ANO4: variants seen among roughly 807,000 people sequenced by gnomAD.
ANO4 encodes the protein anoctamin 4.
Under a neutral mutation model 141.9 loss-of-function variants are expected in ANO4, and 69 were observed. The observed-to-expected ratio is 0.49, with a 90% CI of 0.40 to 0.59. ANO4 has a LOEUF of 0.59. Ranked by LOEUF, ANO4 falls within the 20% of genes least tolerant of loss-of-function variation. The probability of loss-of-function intolerance (pLI) is 0.00; values close to 1 mark genes in which losing one functional copy is unlikely to be tolerated. For missense variants in ANO4, 894 were observed against 1,162.2 expected (o/e 0.77, Z 3.36); for synonymous variants, 350 against 394.3 (o/e 0.89, Z 1.33).
chr12:100,806,811 G>A lies in ANO4; in HGVS notation c.-141+11784G>A, dbSNP rs546565164. On this transcript the variant is annotated intron_variant, in intron 1 of 27. Transcript: ENST00000392977. ...CCTGCCTTGGCCTCCCAAAGTGCTGGGATTACAGGTGTAAGCCACTGCGCT... is the reference window on the plus strand; with the variant it reads ...CCTGCCTTGGCCTCCCAAAGTGCTGAGATTACAGGTGTAAGCCACTGCGCT... Among the ~76,000 whole-genome samples, 422 of 151,698 alleles carry A rather than the reference G, an allele frequency of 2.8e-3. 4 individuals carry two copies. The highest frequency in any genetic ancestry group is 9.6e-3 in the African/African-American group (398 of 41,384).
At chr12:100,770,716 A>G (rs1421818706) in intron 3 of ANO4, among the ~76,000 whole-genome samples, 1 of 151,910 alleles carries the variant, frequency 6.6e-6, no homozygotes, top group Non-Finnish European at 1.5e-5. Flanking sequence ...GATGATGCAG[A>G]TATCAAAAGG....
chr12:100,795,569 G>T (rs915939086), intron 1 of ANO4, among the ~76,000 whole-genome samples: 17 of 152,316 alleles, frequency 1.1e-4, no homozygotes, highest in Non-Finnish European at 2.1e-4. Flanking sequence ...TACAACTTGG[G>T]CAGGAACATT....
At chr12:100,948,877 C>T (rs768579941) in intron 5 of ANO4, among the ~76,000 whole-genome samples, 1 of 152,154 alleles carries the variant, frequency 6.6e-6, no homozygotes, top group Admixed American at 6.5e-5. Context: ...GGATGTCACT[C>T]CTGTGATTAT....
intron 8 of ANO4, among the ~76,000 whole-genome samples, chr12:100,988,162 G>T (rs1480857982): frequency 6.6e-6 from 1 of 152,132 alleles, no homozygotes; most frequent in African/African-American, 2.4e-5. Flanking sequence ...ACATCACCTG[G>T]CAGCCCACTT....
At chr12:101,102,983 G>A (rs1217939472) in intron 22 of ANO4, among the ~76,000 whole-genome samples, 2 of 151,136 alleles carry the variant, frequency 1.3e-5, no homozygotes, top group Non-Finnish European at 3.0e-5. Flanking sequence ...TGCAAATGAT[G>A]TTTTTATTGT....
chr12:101,026,303 C>T (rs947763780), intron 9 of ANO4, among the ~76,000 whole-genome samples: 2 of 152,170 alleles, frequency 1.3e-5, no homozygotes, highest in Non-Finnish European at 2.9e-5. Flanking sequence ...ATATTAAATA[C>T]TTAAGGATAA....
intron 3 of ANO4, among the ~76,000 whole-genome samples, chr12:100,769,385 A>T (rs1483947524): frequency 2.0e-5 from 3 of 152,214 alleles, no homozygotes; most frequent in African/African-American, 7.2e-5. Flanking sequence ...CTTTGGTGTT[A>T]TGATCTAATA....
Position 100,794,777 on chromosome 12 carries a change from CT to C in ANO4, c.-388del. 1 of 152,358 alleles carries C rather than the reference CT, an allele frequency of 6.6e-6. No individual in the cohort carries two copies. Among genetic ancestry groups the C allele is most frequent in the Non-Finnish European group, 1.5e-5 (1 of 68,092 alleles). The allele number at this position is 152,358 out of a possible 1,614,324, so 9.4% of individuals were successfully genotyped here. ...GACGGTGGTGAAATCCACCAGGCTG[CT>C]TTCACTCCGGCTCGCTCTCCGGAGA... is the stretch of plus-strand genomic sequence containing the variant. On this transcript the variant is annotated 5_prime_UTR_variant, in exon 1 of 28. Transcript: ENST00000392977.
At chr12:101,009,246 C>G (rs1425456859) in intron 8 of ANO4, among the ~76,000 whole-genome samples, 1 of 152,048 alleles carries the variant, frequency 6.6e-6, no homozygotes, top group Non-Finnish European at 1.5e-5. Flanking sequence ...GACATACACA[C>G]AGAGAAGATC....
At chr12:101,000,346 A>G (rs1395149290) in intron 8 of ANO4, among the ~76,000 whole-genome samples, 1 of 152,238 alleles carries the variant, frequency 6.6e-6, no homozygotes, top group African/African-American at 2.4e-5. Flanking sequence ...ACATATGACT[A>G]CTTGCTTTTA....
chr12:101,037,219 G>A (rs1305012346), intron 10 of ANO4, 69 bp downstream of exon 10: 5 of 1,484,704 alleles, frequency 3.4e-6, no homozygotes, highest in Admixed American at 3.6e-5. Context: ...TCTAGAGATA[G>A]TCAATAATTG....
chr12:101,116,869 G>A lies in ANO4; in HGVS notation c.2570+71G>A, dbSNP rs575665576. On this transcript the variant is annotated intron_variant, in intron 25 of 27. Coordinates refer to ENST00000392977, the MANE Select transcript of ANO4 (RefSeq NM_001286615.2). ...CACCGTGGGGAGGTTTTACTCTGAA[G>A]GCCCCTTCTGGCTGAGTGTGTTTAA... 15 of 1,592,942 alleles carry A rather than the reference G, an allele frequency of 9.4e-6. No homozygotes were observed. In the East Asian group the frequency reaches 3.4e-4, roughly 36 times the overall value.
At chr12:100,858,887 A>C (rs1274922715) in intron 1 of ANO4, among the ~76,000 whole-genome samples, 1 of 152,190 alleles carries the variant, frequency 6.6e-6, no homozygotes, top group Non-Finnish European at 1.5e-5. Context: ...TGGAAGCAAG[A>C]TTCCCACAGT....
At chr12:100,972,881 C>A (rs2043991316) in intron 6 of ANO4, among the ~76,000 whole-genome samples, 1 of 152,146 alleles carries the variant, frequency 6.6e-6, no homozygotes, top group African/African-American at 2.4e-5. Flanking sequence ...AATGGTAATG[C>A]AAAGCCAATT....
At chr12:100,912,261 A>G (rs1025497550) in intron 2 of ANO4, among the ~76,000 whole-genome samples, 38 of 151,752 alleles carry the variant, frequency 2.5e-4, no homozygotes, top group African/African-American at 8.7e-4. Flanking sequence ...CAGACATTGT[A>G]GTGCAGGCTT....
intron 8 of ANO4, among the ~76,000 whole-genome samples, chr12:101,007,455 T>A (rs1344495415): frequency 2.0e-5 from 3 of 152,216 alleles, no homozygotes; most frequent in African/African-American, 4.8e-5. Context: ...GCATGCAGTA[T>A]CTCTTAATCC....
At chr12:101,104,625 G>GTGTGTA (rs2050350273) in intron 22 of ANO4, among the ~76,000 whole-genome samples, 1 of 52,812 alleles carries the variant, frequency 1.9e-5, no homozygotes, top group South Asian at 7.9e-4. Flanking sequence ...GTATGTATGT[G>GTGTGTA]TGTATATATA....
chr12:100,742,236 T>C (rs903478760), intron 3 of ANO4, among the ~76,000 whole-genome samples: 1 of 152,174 alleles, frequency 6.6e-6, no homozygotes, highest in African/African-American at 2.4e-5. Flanking sequence ...ATAGTTTTTG[T>C]AAGTCTCGAC....
intron 8 of ANO4, among the ~76,000 whole-genome samples, chr12:101,004,626 G>C (rs1209370793): frequency 6.6e-6 from 1 of 152,142 alleles, no homozygotes; most frequent in Admixed American, 6.5e-5. Context: ...AAAAGAGTAA[G>C]GAAGGGGAAA....
Sources: gnomAD v4.1 joint callset for allele counts (sites outside exome capture counted in the v4.1 genomes callset) on GRCh38, gnomAD v4.1.1 for gene constraint, MANE v1.5 for transcripts, NCBI Gene and HGNC (gene_info 2026-07-23, HGNC 2026-07-21) for gene names.